AKT1: variants seen among roughly 807,000 people sequenced by gnomAD.
AKT1 encodes AKT serine/threonine kinase 1.
A neutral mutation model predicts 63.1 loss-of-function variants in AKT1; 21 were observed. The observed-to-expected ratio is 0.33, with a 90% CI of 0.24 to 0.48. The LOEUF is 0.48. Among genes scored for constraint, AKT1 ranks in the 20% least tolerant of loss-of-function variants. The pLI, the probability that AKT1 is intolerant of heterozygous loss-of-function variation, is 0.99. For synonymous variants in AKT1, 257 were observed against 253.1 expected (o/e 1.02, Z -0.15); for missense variants, 382 against 666.0 (o/e 0.57, Z 4.69).
intron 2 of AKT1, 48 bp from the exon 3 acceptor site, chr14:104,792,770 G>T: frequency 8.4e-7 from 1 of 1,191,844 alleles, no homozygotes; most frequent in Non-Finnish European, 1.2e-6. Flanking sequence ...CTGGCTAAGG[G>T]CAGCTCCTCG....
At chr14:104,775,828 C>G in intron 5 of AKT1, 29 bp from the exon 6 acceptor site, 1 of 1,609,868 alleles carries the variant, frequency 6.2e-7, no homozygotes, top group Non-Finnish European at 8.5e-7. Context: ...GGCTGCAGGC[C>G]TGTACCAGAT....
At chr14:104,794,392 G>A (rs1893783019) in intron 1 of AKT1, 1 of 152,312 alleles carries the variant, frequency 6.6e-6, no homozygotes, top group Non-Finnish European at 1.5e-5. Context: ...ATACATCTGT[G>A]CTCACACAGG....
At position 104,770,158 on chromosome 14, in the gene AKT1, C is replaced by T. The variant is rs1892293827; in HGVS notation, c.*183G>A. The T allele has an allele frequency of 3.1e-6, 2 of 650,922 alleles. No individual in the cohort carries two copies. The highest frequency in any genetic ancestry group is 5.4e-6 in the Non-Finnish European group (2 of 368,382). The allele number at this position is 650,922 out of a possible 1,614,324, so 40.3% of individuals were successfully genotyped here. ...TTAAAACCCGCAGGATAGTTTTCTT[C>T]CCTACCCCGCTGCGGGGGAGGGTGC... On this transcript the variant is annotated 3_prime_UTR_variant, in exon 15 of 15. Coordinates refer to ENST00000649815, the MANE Select transcript of AKT1 (RefSeq NM_001382430.1).
intron 12 of AKT1, 60 bp downstream of exon 12, chr14:104,772,818 G>A: frequency 6.5e-7 from 1 of 1,537,582 alleles, no homozygotes; most frequent in East Asian, 2.3e-5. Context: ...GCAGGGGCAG[G>A]TGCAGCCTGG....
rs1220942993 is a variant in AKT1, at chr14:104,773,951, G to A, written c.663C>T (p.Asp221=). ...TALKYSFQTH[D]RLCFVMEYAN... ...CGTACTCCATGACAAAGCAGAGGCG[G>A]TCGTGGGTCTGGAAAGAGTACTTCA... The change falls in exon 9 of 15, where the codon GAC becomes GAT. Residue 221 remains aspartate, a synonymous_variant. Coordinates refer to ENST00000649815, the MANE Select transcript of AKT1 (RefSeq NM_001382430.1). 5.0e-6 allele frequency: 8 copies of A among 1,612,680 alleles called. No homozygotes were observed. The highest frequency in any genetic ancestry group is 1.7e-6 in the Non-Finnish European group (2 of 1,179,224).
chr14:104,769,558 G>A lies in AKT1; in HGVS notation c.*783C>T, dbSNP rs1017393242. The A allele has an allele frequency of 9.4e-6, 5 of 534,124 alleles. No homozygotes were observed. The East Asian group carries it at 1.2e-4, about 13-fold the overall frequency. 33.1% of individuals were successfully genotyped at this position (534,124 alleles called of 1,614,324 possible). A position where few individuals can be genotyped will look rare whatever the true frequency, so the allele number is the denominator to read the frequency against. ...GGCGACAGCGGAAAGGTTAAGCGTC[G>A]AAAAGGTCAAGTGCTACCGTGGAGA... is the stretch of plus-strand genomic sequence containing the variant. On this transcript the variant is annotated 3_prime_UTR_variant, in exon 15 of 15. Coordinates refer to ENST00000649815, the MANE Select transcript of AKT1 (RefSeq NM_001382430.1).
At chr14:104,777,724 T>TG (rs1418340029) in intron 4 of AKT1, 1 of 985,362 alleles carries the variant, frequency 1.0e-6, no homozygotes, top group Non-Finnish European at 1.2e-6. Flanking sequence ...GAGGGGCCAG[T>TG]GGGGGGCCTC....
At chr14:104,781,497 T>C (rs1893037482) in intron 3 of AKT1, among the ~76,000 whole-genome samples, 1 of 152,118 alleles carries the variant, frequency 6.6e-6, no homozygotes, top group Non-Finnish European at 1.5e-5. Flanking sequence ...GTCATGGGCA[T>C]CCCAGCAGGC....
intron 3 of AKT1, 100 bp downstream of exon 3, chr14:104,792,498 G>T: frequency 7.1e-7 from 1 of 1,415,016 alleles, no homozygotes; most frequent in Non-Finnish European, 9.9e-7. Flanking sequence ...CCCAGGGGAG[G>T]CAGCCCCTCC....
rs1463613919 is a variant in AKT1 at position 104,773,326 on chromosome 14, C to T, written c.882G>A (p.Gly294=). 6.2e-7 allele frequency: 1 copy of T among 1,614,104 alleles called. No homozygotes were observed. Among genetic ancestry groups the T allele is most frequent in the East Asian group, 2.2e-5 (1 of 44,894 alleles). ...KDGHIKITDF[G]LCKEGIKDGA... ...CGTCCTTGATCCCCTCCTTGCACAGCCCGAAGTCTGTGATCTTAATGTGCC... is the reference window on the plus strand; with the variant it reads ...CGTCCTTGATCCCCTCCTTGCACAGTCCGAAGTCTGTGATCTTAATGTGCC... Residue 294 remains glycine (G), a synonymous_variant, in exon 11 of 15, where the codon GGG becomes GGA. Transcript: ENST00000649815.
intron 3 of AKT1, among the ~76,000 whole-genome samples, chr14:104,784,363 G>A (rs1893225530): frequency 1.3e-5 from 2 of 152,144 alleles, no homozygotes; most frequent in South Asian, 2.1e-4. Context: ...GGCTGCCCTC[G>A]GTGGGGGGTA....
intron 3 of AKT1, among the ~76,000 whole-genome samples, chr14:104,781,182 GAAC>G (rs2140957823): frequency 6.6e-6 from 1 of 152,154 alleles, no homozygotes; most frequent in East Asian, 1.9e-4. Flanking sequence ...CAAGGAGTTT[GAAC>G]AACAGGGAAC....
At position 104,789,348 on chromosome 14, in the gene AKT1, C is replaced by T. The variant is rs571633876; in HGVS notation, c.46+3250G>A. 1.3e-3 allele frequency among the ~76,000 whole-genome samples: 202 copies of T among 152,346 alleles called. 2 individuals are homozygous for T. The highest frequency in any genetic ancestry group is 4.7e-3 in the African/African-American group (196 of 41,582). On this transcript the variant is annotated intron_variant, in intron 3 of 14. Coordinates refer to ENST00000649815, the MANE Select transcript of AKT1 (RefSeq NM_001382430.1). ...GAGTGGACAAAAACAGGCTCCAGGC[C>T]GGGGCTGCACCAGGGCAGCTCTCCA...
At chr14:104,770,682 C>T in intron 14 of AKT1, 63 bp downstream of exon 14, 2 of 1,459,422 alleles carry the variant, frequency 1.4e-6, no homozygotes, top group Non-Finnish European at 1.9e-6. Context: ...AAGCTGAACA[C>T]TGCAGGCCTC....
intron 14 of AKT1, 62 bp from the exon 15 acceptor site, chr14:104,770,482 A>G: frequency 6.8e-7 from 1 of 1,465,488 alleles, no homozygotes; most frequent in South Asian, 1.3e-5. Flanking sequence ...ACCCACCCAC[A>G]GCTCCAGTAG....
intron 14 of AKT1, 49 bp from the exon 15 acceptor site, chr14:104,770,469 T>A: frequency 2.7e-6 from 4 of 1,502,604 alleles, no homozygotes; most frequent in Non-Finnish European, 3.6e-6. Context: ...CCCTGCCACC[T>A]CCACCCACCC....
In AKT1 at chr14:104,780,179, G is replaced by A. The variant is rs1384866830; in HGVS notation, c.84C>T (p.Leu28=). ...YIKTWRPRYF[L]LKNDGTFIGY... ...CAATGAAGGTGCCATCATTCTTGAG[G>A]AGGAAGTAGCGTGGCCGCCAGGTCT... is the stretch of plus-strand genomic sequence containing the variant. Residue 28 remains leucine, a synonymous_variant, in exon 4 of 15, where the codon CTC becomes CTT. Coordinates refer to ENST00000649815, the MANE Select transcript of AKT1 (RefSeq NM_001382430.1). 6.8e-6 allele frequency: 11 copies of A among 1,613,616 alleles called. No individual in the cohort carries two copies. Among genetic ancestry groups the A allele is most frequent in the South Asian group, 1.1e-5 (1 of 91,058 alleles).
intron 12 of AKT1, 79 bp from the exon 13 acceptor site, chr14:104,772,531 T>G (rs775884848): frequency 2.1e-6 from 3 of 1,423,576 alleles, no homozygotes; most frequent in Non-Finnish European, 3.0e-6. Flanking sequence ...CCTCCTGTGA[T>G]GTAGGGCCCG....
At chr14:104,776,811 C>A (rs369750627) in intron 4 of AKT1, 41 bp from the exon 5 acceptor site, 46 of 1,571,622 alleles carry the variant, frequency 2.9e-5, no homozygotes, top group Admixed American at 1.0e-4. Flanking sequence ...CATCCCCCTG[C>A]CCCTCCCAGG....
Sources: gnomAD v4.1 joint callset for allele counts (sites outside exome capture counted in the v4.1 genomes callset) on GRCh38, gnomAD v4.1.1 for gene constraint, MANE v1.5 for transcripts, NCBI Gene and HGNC (gene_info 2026-07-23, HGNC 2026-07-21) for gene names.